Variants in KCNT2 observed in about 807,000 individuals in gnomAD.
KCNT2 encodes the protein potassium channel subfamily T member 2.
In KCNT2, 67 loss-of-function variants were observed where a neutral mutation model predicts 153.8. That is an observed-to-expected ratio of 0.44 (90% confidence interval 0.36 to 0.53). The LOEUF (loss-of-function observed/expected upper bound fraction) is 0.53. Ranked by LOEUF, KCNT2 falls within the 20% of genes least tolerant of loss-of-function variation. KCNT2 has a pLI of 0.00. For missense variants in KCNT2, 975 were observed against 1,354.8 expected (o/e 0.72, Z 4.40); for synonymous variants, 500 against 458.8 (o/e 1.09, Z -1.15).
At chr1:196,329,962 T>C (rs1425597577) in intron 18 of KCNT2, among the ~76,000 whole-genome samples, 5 of 133,944 alleles carry the variant, frequency 3.7e-5, no homozygotes, top group African/African-American at 1.2e-4. Flanking sequence ...TATATATATA[T>C]ATATATATAT....
At chr1:196,526,746 C>T (rs569654729) in intron 1 of KCNT2, among the ~76,000 whole-genome samples, 10 of 152,190 alleles carry the variant, frequency 6.6e-5, no homozygotes, top group South Asian at 2.1e-4. Flanking sequence ...CCACTGCGCC[C>T]GGCCACTATG....
intron 10 of KCNT2, among the ~76,000 whole-genome samples, chr1:196,426,891 T>C (rs1673700813): frequency 1.3e-5 from 2 of 152,034 alleles, no homozygotes; most frequent in South Asian, 4.1e-4. Flanking sequence ...GCTCTGGCCA[T>C]GTGAAGACAC....
At position 196,429,685 on chromosome 1, in the gene KCNT2, A is replaced by C; in HGVS notation, c.711T>G (p.Ile237Met). 1 of 1,612,898 alleles carries C rather than the reference A, an allele frequency of 6.2e-7. No individual in the cohort carries two copies. The highest frequency in any genetic ancestry group is 1.1e-5 in the South Asian group (1 of 90,974). The change falls in exon 9 of 28, where the codon ATT becomes ATG. Residue 237 changes from isoleucine to methionine, a missense_variant. Coordinates refer to ENST00000294725, the MANE Select transcript of KCNT2 (RefSeq NM_198503.5). The part of the protein sequence containing the change: ...LNLFDSLYFC[I>M]VTFSTVGFGD... ...CGAAGCCCACAGTAGAAAACGTCACAATGCAGAAATAAAGGGAGTCAAAGA... is the reference window on the plus strand; with the variant it reads ...CGAAGCCCACAGTAGAAAACGTCACCATGCAGAAATAAAGGGAGTCAAAGA...
chr1:196,413,864 A>C (rs1317772826), intron 12 of KCNT2, among the ~76,000 whole-genome samples: 1 of 151,602 alleles, frequency 6.6e-6, no homozygotes, highest in Non-Finnish European at 1.5e-5. Context: ...TTTGCATTTT[A>C]ATGTTATTCA....
intron 8 of KCNT2, among the ~76,000 whole-genome samples, chr1:196,462,609 A>C (rs906151342): frequency 1.3e-4 from 20 of 151,682 alleles, no homozygotes; most frequent in African/African-American, 3.6e-4. Context: ...GAAAAAAAAA[A>C]CTAAAACTTT....
chr1:196,239,211 T>G (rs1654725010), intron 26 of KCNT2, among the ~76,000 whole-genome samples: 1 of 152,030 alleles, frequency 6.6e-6, no homozygotes, highest in South Asian at 2.1e-4. Flanking sequence ...ATATATTTAC[T>G]GTGTCCCTGA....
chr1:196,311,273 A>C (rs181323593), intron 21 of KCNT2, among the ~76,000 whole-genome samples: 1 of 151,812 alleles, frequency 6.6e-6, no homozygotes, highest in Non-Finnish European at 1.5e-5. Context: ...CACCTTGTTC[A>C]TCACTGCAGC....
intron 1 of KCNT2, among the ~76,000 whole-genome samples, chr1:196,559,653 A>G (rs1659126746): frequency 6.6e-6 from 1 of 151,768 alleles, no homozygotes; most frequent in African/African-American, 2.4e-5. Flanking sequence ...TTCACACTAA[A>G]CAGCTTAATT....
At chr1:196,258,764 T>C (rs1271231398) in intron 25 of KCNT2, 2 of 420,410 alleles carry the variant, frequency 4.8e-6, no homozygotes, top group South Asian at 2.5e-5. Flanking sequence ...AGGCATAAAC[T>C]TTACTTAGCA....
At chr1:196,466,381 T>G (rs905382671) in intron 7 of KCNT2, among the ~76,000 whole-genome samples, 1 of 152,058 alleles carries the variant, frequency 6.6e-6, no homozygotes, top group African/African-American at 2.4e-5. Flanking sequence ...CAATGTATTT[T>G]CATAAGACTC....
rs77428227 is a variant in KCNT2 at position 196,439,175 on chromosome 1, A to G, written c.639-9418T>C. 6.8e-4 allele frequency among the ~76,000 whole-genome samples: 103 copies of G among 152,026 alleles called. No homozygotes were observed. In the East Asian group the frequency reaches 0.018, roughly 27 times the overall value. ...CTTACCGTGATTTAGTTTTATATGA[A>G]TGTCCACTTTGGTTAATATCTGTTT... On this transcript the variant is annotated intron_variant, in intron 8 of 27. Coordinates refer to ENST00000294725, the MANE Select transcript of KCNT2 (RefSeq NM_198503.5).
At chr1:196,306,776 C>G (rs926324495) in intron 21 of KCNT2, among the ~76,000 whole-genome samples, 1 of 151,650 alleles carries the variant, frequency 6.6e-6, no homozygotes, top group Non-Finnish European at 1.5e-5. Context: ...CTAACACGCC[C>G]TCTTGGCCAT....
chr1:196,511,469 T>C (rs1382134811), intron 1 of KCNT2, among the ~76,000 whole-genome samples: 1 of 152,188 alleles, frequency 6.6e-6, no homozygotes, highest in Non-Finnish European at 1.5e-5. Flanking sequence ...TACAGGCACT[T>C]AGCTGTCTTG....
chr1:196,280,005 C>G (rs1318058083), intron 25 of KCNT2, among the ~76,000 whole-genome samples: 1 of 151,162 alleles, frequency 6.6e-6, no homozygotes. Context: ...TTGTATCAGA[C>G]CAAAAAAAAT....
chr1:196,361,884 CTT>C (rs1468828500), intron 14 of KCNT2, among the ~76,000 whole-genome samples: 14 of 147,236 alleles, frequency 9.5e-5, no homozygotes, highest in African/African-American at 3.3e-4. Flanking sequence ...CACATTAAGA[CTT>C]TAAATTGTGT....
chr1:196,281,323 G>A (rs1164600053), intron 24 of KCNT2, among the ~76,000 whole-genome samples: 5 of 152,170 alleles, frequency 3.3e-5, no homozygotes, highest in East Asian at 1.9e-4. Context: ...ATATTAGTTC[G>A]TTATCAGTAG....
At chr1:196,271,447 A>G (rs1658057340) in intron 25 of KCNT2, among the ~76,000 whole-genome samples, 1 of 152,022 alleles carries the variant, frequency 6.6e-6, no homozygotes, top group Non-Finnish European at 1.5e-5. Flanking sequence ...AGTGGACAGA[A>G]AGCCATGACT....
intron 11 of KCNT2, among the ~76,000 whole-genome samples, chr1:196,423,886 T>C (rs1010080526): frequency 6.6e-6 from 1 of 151,890 alleles, no homozygotes; most frequent in Non-Finnish European, 1.5e-5. Context: ...AACTAAACAA[T>C]TCAAAACTCA....
At chr1:196,461,288 T>C (rs1489002852) in intron 8 of KCNT2, among the ~76,000 whole-genome samples, 1 of 151,720 alleles carries the variant, frequency 6.6e-6, no homozygotes, top group Non-Finnish European at 1.5e-5. Flanking sequence ...AACATGATCA[T>C]ATTTTTAAAC....
Sources: gnomAD v4.1 joint callset for allele counts (sites outside exome capture counted in the v4.1 genomes callset) on GRCh38, gnomAD v4.1.1 for gene constraint, MANE v1.5 for transcripts, NCBI Gene and HGNC (gene_info 2026-07-23, HGNC 2026-07-21) for gene names.